Variants in CAPN14 observed in about 807,000 individuals in gnomAD.
CAPN14 encodes calpain-14.
In CAPN14, 94 loss-of-function variants were observed where a neutral mutation model predicts 101.3. That is an observed-to-expected ratio of 0.93 (90% CI 0.79 to 1.10). CAPN14 has a LOEUF of 1.10. Among genes scored for constraint, CAPN14 ranks in the 50% least tolerant of loss-of-function variants. CAPN14 has a pLI of 0.00. For synonymous variants in CAPN14, 338 were observed against 317.9 expected (o/e 1.06, Z -0.67); for missense variants, 837 against 828.4 (o/e 1.01, Z -0.13).
rs184033481 is a variant in CAPN14 at position 31,183,964 on chromosome 2, C to T, written c.1645+2464G>A. Among the ~76,000 whole-genome samples, 48 of 152,180 alleles carry T rather than the reference C, an allele frequency of 3.2e-4. 1 individual carries two copies. The highest frequency in any genetic ancestry group is 1.2e-3 in the African/African-American group (48 of 41,532). ...TGGCACAATCTTGGCTCACTGCAAC[C>T]TCCACCTCCCAGGTTCAAGCAATTC... is the stretch of plus-strand genomic sequence containing the variant. On this transcript the variant is annotated intron_variant, in intron 16 of 21. Transcript: ENST00000403897.
intron 12 of CAPN14, 24 bp from the exon 13 acceptor site, chr2:31,189,502 A>T (rs1310127155): frequency 6.5e-7 from 1 of 1,538,228 alleles, no homozygotes; most frequent in Non-Finnish European, 8.8e-7. Flanking sequence ...ACAGAAGAAC[A>T]GCAAGGGAGG....
intron 17 of CAPN14, among the ~76,000 whole-genome samples, chr2:31,180,279 C>T (rs1474266706): frequency 6.6e-6 from 1 of 152,160 alleles, no homozygotes; most frequent in Non-Finnish European, 1.5e-5. Context: ...GCTCCATGCC[C>T]GTGCACCTAA....
chr2:31,196,002 G>A (rs563497341), intron 8 of CAPN14, among the ~76,000 whole-genome samples: 39 of 151,992 alleles, frequency 2.6e-4, no homozygotes, highest in African/African-American at 9.4e-4. Context: ...AGCAGATAAG[G>A]ACATTAAAAC....
intron 20 of CAPN14, 71 bp from the exon 21 acceptor site, chr2:31,176,713 T>A: frequency 1.5e-6 from 2 of 1,351,976 alleles, no homozygotes; most frequent in Non-Finnish European, 2.1e-6. Context: ...GTTCCTCCCA[T>A]ATGTCTCACC....
chr2:31,232,655 C>A (rs967831266), intron 1 of CAPN14, among the ~76,000 whole-genome samples: 1 of 152,132 alleles, frequency 6.6e-6, no homozygotes, highest in African/African-American at 2.4e-5. Context: ...TCAGCTCTCA[C>A]GAGAACTCAC....
At position 31,199,468 on chromosome 2, in the gene CAPN14, A is replaced by ACCTT; in HGVS notation, c.787_789+1dup. ...GAAACCGAAGGGCCAACCTCAACCC[A>ACCTT]CCTTCCTGATTCCTGTGAGAGTATA... On this transcript the variant is annotated splice_donor_variant, in intron 7 of 21. Coordinates refer to ENST00000403897, the MANE Select transcript of CAPN14 (RefSeq NM_001145122.2). LOFTEE classifies it high-confidence loss of function. 1 of 1,551,380 alleles carries ACCTT rather than the reference A, an allele frequency of 6.4e-7. No individual in the cohort carries two copies. The highest frequency in any genetic ancestry group is 8.7e-7 in the Non-Finnish European group (1 of 1,146,820).
intron 1 of CAPN14, among the ~76,000 whole-genome samples, chr2:31,208,747 G>A (rs1682237035): frequency 6.6e-6 from 1 of 152,212 alleles, no homozygotes; most frequent in East Asian, 1.9e-4. Flanking sequence ...CAAAGGGCCA[G>A]ATGGGTCTAG....
intron 1 of CAPN14, among the ~76,000 whole-genome samples, chr2:31,229,377 A>T (rs1303360784): frequency 2.0e-5 from 3 of 152,236 alleles, no homozygotes; most frequent in African/African-American, 7.2e-5. Flanking sequence ...TATGAAAAAA[A>T]TTCCAACTTT....
chr2:31,183,168 C>T (rs901395098), intron 16 of CAPN14, among the ~76,000 whole-genome samples: 5 of 151,436 alleles, frequency 3.3e-5, no homozygotes, highest in Admixed American at 6.6e-5. Flanking sequence ...TTCCTTACAC[C>T]TTATACAAAA....
chr2:31,218,849 G>A (rs1445549254), upstream of CAPN14, among the ~76,000 whole-genome samples: 1 of 152,176 alleles, frequency 6.6e-6, no homozygotes, highest in Non-Finnish European at 1.5e-5. Flanking sequence ...TTCTTCCTGA[G>A]CTAAACGCTC....
intron 1 of CAPN14, among the ~76,000 whole-genome samples, chr2:31,206,454 T>C (rs1396827935): frequency 6.6e-6 from 1 of 152,324 alleles, no homozygotes. Context: ...GGTTTCGCCA[T>C]GTTGGCCAGG....
In CAPN14 at chr2:31,191,816, A is replaced by G. The variant is rs141929718; in HGVS notation, c.1278+119T>C. The G allele has an allele frequency of 1.3e-3, 1,316 of 1,025,140 alleles. 20 individuals are homozygous for G. The African/African-American group carries it at 0.019, about 15-fold the overall frequency. 63.5% of individuals were successfully genotyped at this position (1,025,140 alleles called of 1,614,324 possible). ...TCCTAAAGGACAGAGCCTGGATTTGAAAACCCAGGTCTGTGAACAGAGACA... is the reference window on the plus strand; with the variant it reads ...TCCTAAAGGACAGAGCCTGGATTTGGAAACCCAGGTCTGTGAACAGAGACA... On this transcript the variant is annotated intron_variant, in intron 11 of 21. Coordinates refer to ENST00000403897, the MANE Select transcript of CAPN14 (RefSeq NM_001145122.2).
intron 1 of CAPN14, among the ~76,000 whole-genome samples, chr2:31,211,242 GA>G (rs1349131929): frequency 1.9e-5 from 2 of 104,936 alleles, no homozygotes; most frequent in East Asian, 6.9e-4. Flanking sequence ...AAGAAAAAGA[GA>G]GAAAGAGAGG....
intron 5 of CAPN14, among the ~76,000 whole-genome samples, chr2:31,201,145 G>A (rs1371125331): frequency 6.9e-6 from 1 of 145,476 alleles, no homozygotes; most frequent in African/African-American, 2.6e-5. Context: ...GTGGACGTGT[G>A]TGTGTGCATG....
At chr2:31,198,342 T>A (rs1030278324) in intron 7 of CAPN14, among the ~76,000 whole-genome samples, 2 of 107,946 alleles carry the variant, frequency 1.9e-5, no homozygotes, top group African/African-American at 5.8e-5. Flanking sequence ...CCCTAAAAAG[T>A]ATAAAACCAA....
At chr2:31,220,427 G>A (rs142060623), upstream of CAPN14, among the ~76,000 whole-genome samples, 7 of 152,308 alleles carry the variant, frequency 4.6e-5, no homozygotes, top group African/African-American at 1.4e-4. Flanking sequence ...AGAGTAAAGC[G>A]AGAAAGTCAT....
chr2:31,209,304 CAG>C (rs979708502), intron 1 of CAPN14, among the ~76,000 whole-genome samples: 2 of 152,190 alleles, frequency 1.3e-5, no homozygotes, highest in Admixed American at 6.5e-5. Context: ...AGGAAGTAAA[CAG>C]AGAGTCAGGC....
At chr2:31,220,095 A>T (rs1431543630), upstream of CAPN14, among the ~76,000 whole-genome samples, 3 of 152,210 alleles carry the variant, frequency 2.0e-5, no homozygotes, top group Admixed American at 6.5e-5. Context: ...AATAGCTTCC[A>T]AGTCCTTAAC....
In CAPN14 at chr2:31,205,479, C is replaced by G; in HGVS notation, c.-32G>C. 1 of 1,505,704 alleles carries G rather than the reference C, an allele frequency of 6.6e-7. No individual in the cohort carries two copies. Among genetic ancestry groups the G allele is most frequent in the African/African-American group, 1.4e-5 (1 of 72,164 alleles). 93.3% of individuals were successfully genotyped at this position (1,505,704 alleles called of 1,614,324 possible). ...TGGTGGGTACAGTCCAGTGAGTCTTCCTGAGGAGTCTCTGCTGCTCCTGAA... is the reference window on the plus strand; with the variant it reads ...TGGTGGGTACAGTCCAGTGAGTCTTGCTGAGGAGTCTCTGCTGCTCCTGAA... On this transcript the variant is annotated 5_prime_UTR_variant, in exon 2 of 22. Coordinates refer to ENST00000403897, the MANE Select transcript of CAPN14 (RefSeq NM_001145122.2).
Sources: allele counts gnomAD v4.1 joint callset (sites outside exome capture counted in the v4.1 genomes callset), GRCh38; gene constraint gnomAD v4.1.1; transcripts MANE v1.5; gene names NCBI Gene and HGNC (gene_info 2026-07-23, HGNC 2026-07-21).